RYR3: variants seen among roughly 807,000 people sequenced by gnomAD.
RYR3 encodes the protein ryanodine receptor 3, also known as brain ryanodine receptor-calcium release channel.
Under a neutral mutation model 584.3 loss-of-function variants are expected in RYR3, and 207 were observed. The ratio of observed to expected loss-of-function variants is 0.35; its 90% CI spans 0.32 to 0.40. The LOEUF (loss-of-function observed/expected upper bound fraction) is 0.40. Ranked by LOEUF, RYR3 falls within the 10% of genes least tolerant of loss-of-function variation. The probability of loss-of-function intolerance (pLI) is 1.00; values close to 1 mark genes in which losing one functional copy is unlikely to be tolerated. For synonymous variants in RYR3, 2,416 were observed against 2,248.5 expected, an observed-to-expected ratio of 1.07 and a Z score of -2.11; for missense variants, 5,616 against 6,089.2, an observed-to-expected ratio of 0.92 and a Z score of 2.59.
intron 17 of RYR3, 114 bp from the exon 18 acceptor site, chr15:33,603,009 C>G: frequency 1.9e-6 from 2 of 1,073,474 alleles, no homozygotes; most frequent in Admixed American, 4.2e-5. Flanking sequence ...ATGAAATACA[C>G]AGCATTGCTC....
intron 67 of RYR3, among the ~76,000 whole-genome samples, chr15:33,790,682 G>A (rs1454284776): frequency 1.3e-5 from 2 of 152,112 alleles, no homozygotes; most frequent in Non-Finnish European, 2.9e-5. Flanking sequence ...CAAGGGAGAG[G>A]TCTGGTGTAG....
chr15:33,698,110 A>G, intron 40 of RYR3, 114 bp downstream of exon 40: 1 of 725,882 alleles, frequency 1.4e-6, no homozygotes, highest in Non-Finnish European at 2.5e-6. Context: ...TTCCAGGGAG[A>G]GGAAGGGATA....
intron 37 of RYR3, 25 bp downstream of exon 37, chr15:33,669,481 G>C (rs1314671194): frequency 1.9e-6 from 3 of 1,598,224 alleles, no homozygotes; most frequent in Non-Finnish European, 1.7e-6. Context: ...GAAAGGCTTT[G>C]TCCTTTTTTT....
chr15:33,807,431 G>A (rs1313227603), intron 69 of RYR3, 124 bp from the exon 70 acceptor site: 2 of 938,168 alleles, frequency 2.1e-6, no homozygotes, highest in Non-Finnish European at 3.4e-6. Flanking sequence ...TTGAGTTTCT[G>A]TTGTGTTGGC....
At chr15:33,349,102 G>T (rs556436616) in intron 1 of RYR3, among the ~76,000 whole-genome samples, 1 of 136,278 alleles carries the variant, frequency 7.3e-6, no homozygotes, top group Non-Finnish European at 1.6e-5. Context: ...TTGATAGCTT[G>T]TGCCTTTTTT....
intron 86 of RYR3, among the ~76,000 whole-genome samples, chr15:33,831,362 T>C (rs987581900): frequency 6.6e-6 from 1 of 152,258 alleles, no homozygotes; most frequent in African/African-American, 2.4e-5. Context: ...AAACTAAAAA[T>C]TTTTCATGGA....
intron 50 of RYR3, among the ~76,000 whole-genome samples, chr15:33,738,999 G>A (rs2069792060): frequency 6.6e-6 from 1 of 152,152 alleles, no homozygotes; most frequent in Non-Finnish European, 1.5e-5. Flanking sequence ...GGTGGGACAG[G>A]GGATTTCCAG....
Position 33,796,291 on chromosome 15 carries a change from C to T in RYR3, c.9831-4479C>T, listed in dbSNP as rs147331884. ...CTGGGATTACAGGCATGCGCCACTA[C>T]GCCCGGCTAATTTTGTATTTTTAGT... On this transcript the variant is annotated intron_variant, in intron 67 of 103. Transcript: ENST00000634891. Among the ~76,000 whole-genome samples the T allele has an allele frequency of 7.7e-3, 1,170 of 152,228 alleles. 12 individuals are homozygous for T. The highest frequency in any genetic ancestry group is 0.027 in the African/African-American group (1,109 of 41,542).
chr15:33,592,949 G>C (rs754302602), intron 16 of RYR3, among the ~76,000 whole-genome samples: 13 of 152,210 alleles, frequency 8.5e-5, no homozygotes, highest in South Asian at 2.1e-4. Flanking sequence ...TGAGACGTGG[G>C]ACATCAATCA....
At chr15:33,432,810 G>A (rs944091863) in intron 1 of RYR3, among the ~76,000 whole-genome samples, 3 of 151,802 alleles carry the variant, frequency 2.0e-5, no homozygotes, top group Admixed American at 6.6e-5. Context: ...GTGAGGCACC[G>A]CGACTGGCTG....
intron 1 of RYR3, among the ~76,000 whole-genome samples, chr15:33,436,229 C>CT (rs1046851068): frequency 6.6e-6 from 1 of 151,844 alleles, no homozygotes; most frequent in African/African-American, 2.4e-5. Context: ...TACTGATTTC[C>CT]TTTTTTTTCA....
chr15:33,848,826 CTTTTTTTTTTTTTTTTTTTT>C (rs769204969), intron 94 of RYR3, among the ~76,000 whole-genome samples: 1 of 75,252 alleles, frequency 1.3e-5, no homozygotes, highest in East Asian at 4.3e-4. Flanking sequence ...CTGAAGTCCT[CTTTTTTTTTTTTTTTTTTTT>C]TTTTTTTGAG....
intron 38 of RYR3, among the ~76,000 whole-genome samples, chr15:33,680,342 T>C (rs1470546510): frequency 6.6e-6 from 1 of 152,174 alleles, no homozygotes; most frequent in East Asian, 1.9e-4. Context: ...GAATAGCCAT[T>C]AACAGATTTC....
At chr15:33,754,435 G>A (rs535772676) in intron 57 of RYR3, among the ~76,000 whole-genome samples, 1 of 152,254 alleles carries the variant, frequency 6.6e-6, no homozygotes, top group South Asian at 2.1e-4. Context: ...AACGCAACAT[G>A]CATGCTCCTG....
At chr15:33,825,744 TTTCC>T (rs2077345333) in intron 82 of RYR3, 68 bp downstream of exon 82, 1 of 384,620 alleles carries the variant, frequency 2.6e-6, no homozygotes, top group Non-Finnish European at 3.9e-6. Context: ...TTTTTTTTTT[TTTCC>T]CCATACAGAG....
chr15:33,685,551 A>C (rs2064942387), intron 38 of RYR3, among the ~76,000 whole-genome samples: 4 of 152,198 alleles, frequency 2.6e-5, no homozygotes, highest in African/African-American at 9.7e-5. Flanking sequence ...AAAGTTAACA[A>C]GGATATCCAG....
chr15:33,863,013 G>T (rs891627066), intron 102 of RYR3, among the ~76,000 whole-genome samples: 3 of 152,192 alleles, frequency 2.0e-5, no homozygotes, highest in Admixed American at 6.5e-5. Context: ...CTTAATGGAG[G>T]TTAATGAGCC....
chr15:33,678,482 T>C (rs1385158396), intron 38 of RYR3, among the ~76,000 whole-genome samples: 1 of 152,344 alleles, frequency 6.6e-6, no homozygotes, highest in African/African-American at 2.4e-5. Flanking sequence ...CTGTACAGCC[T>C]GCAGAATTGT....
At chr15:33,529,119 CA>C (rs2054631913) in intron 3 of RYR3, among the ~76,000 whole-genome samples, 1 of 152,162 alleles carries the variant, frequency 6.6e-6, no homozygotes, top group Admixed American at 6.5e-5. Context: ...TTTATAAATA[CA>C]GAAACTAAAG....
Sources: allele counts gnomAD v4.1 joint callset (sites outside exome capture counted in the v4.1 genomes callset), GRCh38; gene constraint gnomAD v4.1.1; transcripts MANE v1.5; gene names NCBI Gene and HGNC (gene_info 2026-07-23, HGNC 2026-07-21).